EIF2S3: variants seen among roughly 807,000 people sequenced by gnomAD.
EIF2S3 encodes the protein eukaryotic translation initiation factor 2 subunit gamma.
Under a neutral mutation model 31.7 loss-of-function variants are expected in EIF2S3, and 2 were observed. That is an observed-to-expected ratio of 0.06 (90% CI 0.03 to 0.20). EIF2S3 has a LOEUF of 0.20. Among genes scored for constraint, EIF2S3 ranks in the 10% least tolerant of loss-of-function variants. The probability of loss-of-function intolerance (pLI) is 1.00; values close to 1 mark genes in which losing one functional copy is unlikely to be tolerated. For synonymous variants in EIF2S3, 120 were observed against 126.7 expected (o/e 0.95, Z 0.36); for missense variants, 96 against 359.3 (o/e 0.27, Z 5.92).
At chrX:24,057,784 C>G in intron 4 of EIF2S3, 30 bp downstream of exon 4, 1 of 1,177,986 alleles carries the variant, frequency 8.5e-7, no homozygotes, top group Non-Finnish European at 1.1e-6. Context: ...AAACACTACA[C>G]TTTATATTTT....
chrX:24,073,843 A>T (rs1930710144), intron 11 of EIF2S3, among the ~76,000 whole-genome samples: 1 of 112,212 alleles, frequency 8.9e-6, no homozygotes, highest in African/African-American at 3.2e-5. Flanking sequence ...TTTCACACTT[A>T]ATAGAAAAAT....
Position 24,057,649 on chromosome X carries a change from A to G in EIF2S3, c.278A>G (p.Asp93Gly). 3 of 1,211,281 alleles carry G rather than the reference A, an allele frequency of 2.5e-6. No homozygotes were observed. Among genetic ancestry groups the G allele is most frequent in the Non-Finnish European group, 3.4e-6 (3 of 895,421 alleles). Residue 93 changes from aspartate to glycine, a missense_variant, in exon 4 of 12, where the codon GAC (aspartate) becomes GGC (glycine). Transcript: ENST00000253039. ...YANAKIYKLD[D>G]PSCPRPECYR... ...AAATTTTAGATTTATAAGCTTGATG[A>G]CCCAAGTTGCCCTCGGCCAGAATGT... is the stretch of plus-strand genomic sequence containing the variant.
At position 24,076,925 on chromosome X, in the gene EIF2S3, T is replaced by A; in HGVS notation, c.*140T>A. The stretch of plus-strand genomic sequence containing the variant: ...TTAGTAGGTAACGGTAAGGTTATTC[T>A]CTTTTTTTTTTTTTTTTTTTTTGGT... On this transcript the variant is annotated 3_prime_UTR_variant, in exon 12 of 12. Coordinates refer to ENST00000253039, the MANE Select transcript of EIF2S3 (RefSeq NM_001415.4). The A allele has an allele frequency of 1.2e-5, 2 of 171,493 alleles. No homozygotes were observed. The highest frequency in any genetic ancestry group is 4.9e-5 in the African/African-American group (1 of 20,344). The allele number at this position is 171,493 out of a possible 1,213,427, so 14.1% of individuals were successfully genotyped here.
chrX:24,072,631 A>G (rs1386971210), intron 10 of EIF2S3, among the ~76,000 whole-genome samples: 2 of 111,627 alleles, frequency 1.8e-5, no homozygotes, highest in African/African-American at 6.5e-5. Context: ...GAGATGGGAA[A>G]TTGCTGACAC....
intron 9 of EIF2S3, among the ~76,000 whole-genome samples, chrX:24,070,639 G>A (rs936988382): frequency 3.0e-4 from 33 of 109,134 alleles, no homozygotes; most frequent in African/African-American, 1.0e-3. Flanking sequence ...GTTTTGCCAT[G>A]TTGGCTAGAC....
chrX:24,070,462 T>TTTATG (rs1930652193), intron 9 of EIF2S3, among the ~76,000 whole-genome samples: 1 of 92,815 alleles, frequency 1.1e-5, no homozygotes, highest in Non-Finnish European at 2.1e-5. Flanking sequence ...TTTTTTTTTT[T>TTTATG]GAGAGTCTCA....
At chrX:24,074,989 C>T (rs1396976327) in intron 11 of EIF2S3, among the ~76,000 whole-genome samples, 2 of 104,360 alleles carry the variant, frequency 1.9e-5, no homozygotes, top group Admixed American at 2.2e-4. Flanking sequence ...CTCAGCCTCC[C>T]GAGTAGCTGG....
chrX:24,066,904 A>T (rs1052382919), intron 8 of EIF2S3, among the ~76,000 whole-genome samples: 1 of 112,124 alleles, frequency 8.9e-6, no homozygotes, highest in African/African-American at 3.2e-5. Context: ...TACAATAAAC[A>T]TGGGAGTGCA....
At position 24,078,268 on chromosome X, in the gene EIF2S3, C is replaced by T. The variant is rs1463506923; in HGVS notation, c.*1483C>T. Among the ~76,000 whole-genome samples, 4 of 110,856 alleles carry T rather than the reference C, an allele frequency of 3.6e-5. No homozygotes were observed. Among genetic ancestry groups the T allele is most frequent in the African/African-American group, 3.3e-5 (1 of 30,593 alleles). Reference sequence around the variant, plus strand: ...CTTGAACTCCTAACCTCAGGTGATCCGCCCGCCTCTGCCTTCCAAAGTGCT... The same window carrying T: ...CTTGAACTCCTAACCTCAGGTGATCTGCCCGCCTCTGCCTTCCAAAGTGCT... On this transcript the variant is annotated 3_prime_UTR_variant, in exon 12 of 12. Transcript: ENST00000253039.
intron 11 of EIF2S3, among the ~76,000 whole-genome samples, chrX:24,075,100 G>A (rs1170815154): frequency 1.8e-5 from 2 of 109,781 alleles, no homozygotes; most frequent in African/African-American, 3.3e-5. Context: ...CCCGACCTCA[G>A]GTGATCCGCC....
intron 2 of EIF2S3, among the ~76,000 whole-genome samples, chrX:24,056,749 C>T (rs761910624): frequency 1.9e-4 from 21 of 111,485 alleles, no homozygotes; most frequent in Non-Finnish European, 2.3e-4. Context: ...GTCCCAGCTA[C>T]TAAGGAGGCC....
At chrX:24,065,550 T>C (rs1003315247) in intron 7 of EIF2S3, among the ~76,000 whole-genome samples, 1 of 111,591 alleles carries the variant, frequency 9.0e-6, no homozygotes, top group African/African-American at 3.3e-5. Flanking sequence ...CCCAGGAATT[T>C]GAGGCTGCAG....
intron 10 of EIF2S3, 80 bp downstream of exon 10, chrX:24,071,807 TAC>T (rs1443873701): frequency 3.0e-6 from 3 of 1,009,445 alleles, no homozygotes; most frequent in Non-Finnish European, 4.0e-6. Context: ...TTTATTGTTT[TAC>T]AGTTAACATG....
At chrX:24,060,271 A>G (rs1189107072) in intron 5 of EIF2S3, 89 bp downstream of exon 5, 1 of 787,311 alleles carries the variant, frequency 1.3e-6, no homozygotes, top group Non-Finnish European at 1.9e-6. Flanking sequence ...TTTAAGGATC[A>G]TATCTATTAC....
intron 4 of EIF2S3, among the ~76,000 whole-genome samples, chrX:24,059,104 G>A (rs1412458113): frequency 8.9e-6 from 1 of 112,240 alleles, no homozygotes; most frequent in Admixed American, 9.5e-5. Flanking sequence ...TTTAATAGGG[G>A]ATCAGCAAAC....
chrX:24,073,874 C>T (rs1467630809), intron 11 of EIF2S3, among the ~76,000 whole-genome samples: 5 of 111,915 alleles, frequency 4.5e-5, no homozygotes, highest in African/African-American at 1.6e-4. Context: ...TTACAGAAAA[C>T]TCCTCTATAG....
At chrX:24,075,109 C>T (rs1410501644) in intron 11 of EIF2S3, among the ~76,000 whole-genome samples, 2 of 110,106 alleles carry the variant, frequency 1.8e-5, no homozygotes, top group African/African-American at 6.6e-5. Context: ...AGGTGATCCG[C>T]CCTCCTTGGC....
At position 24,060,145 on chromosome X, in the gene EIF2S3, C is replaced by T. The variant is rs901265117; in HGVS notation, c.441C>T (p.Asn147=). Residue 147 remains asparagine, a synonymous_variant, in exon 5 of 12, where the codon AAC becomes AAT. Transcript: ENST00000253039. ...GHDILMATML[N]GAAVMDAALL... ...ATATTTTGATGGCTACTATGCTGAA[C>T]GGTGCAGCAGTGATGGATGCAGCTC... The T allele has an allele frequency of 1.3e-5, 16 of 1,209,399 alleles. No individual in the cohort carries two copies. Among genetic ancestry groups the T allele is most frequent in the African/African-American group, 8.7e-5 (5 of 57,343 alleles).
intron 2 of EIF2S3, among the ~76,000 whole-genome samples, chrX:24,056,647 C>T (rs2147124780): frequency 9.0e-6 from 1 of 111,193 alleles, no homozygotes; most frequent in Admixed American, 9.6e-5. Flanking sequence ...TTGCTTGAGC[C>T]CAGGAGTTGG....
Sources: allele counts gnomAD v4.1 joint callset (sites outside exome capture counted in the v4.1 genomes callset), GRCh38; gene constraint gnomAD v4.1.1; transcripts MANE v1.5; gene names NCBI Gene and HGNC (gene_info 2026-07-23, HGNC 2026-07-21).